Variants in FSIP2 observed in about 807,000 individuals in gnomAD.
FSIP2 encodes the protein fibrous sheath interacting protein 2.
FSIP2 carries 367 observed loss-of-function variants against 510.5 expected under a neutral mutation model. The observed-to-expected ratio is 0.72, with a 90% confidence interval of 0.66 to 0.78. FSIP2 has a LOEUF of 0.78. FSIP2 is among the 30% of genes least tolerant of loss of function. The probability of loss-of-function intolerance (pLI) is 0.00; values close to 1 mark genes in which losing one functional copy is unlikely to be tolerated. For synonymous variants in FSIP2, 2,601 were observed against 2,732.2 expected (o/e 0.95, Z 1.50); for missense variants, 7,594 against 7,901.7 (o/e 0.96, Z 1.48).
rs1693384282 is a variant in FSIP2, at chr2:185,799,861, A to C, written c.10555A>C (p.Lys3519Gln). 1.3e-6 allele frequency: 2 copies of C among 1,532,620 alleles called. No homozygotes were observed. The highest frequency in any genetic ancestry group is 1.7e-6 in the Non-Finnish European group (2 of 1,144,608). The allele number at this position is 1,532,620 out of a possible 1,614,324, so 94.9% of individuals were successfully genotyped here. A position where few individuals can be genotyped will look rare whatever the true frequency, so the allele number is the denominator to read the frequency against. Residue 3519 changes from lysine (K) to glutamine (Q), a missense_variant, in exon 17 of 23, where the codon AAA becomes CAA. Lys to Gln is a moderately conservative substitution (Grantham distance 53). Coordinates refer to ENST00000424728, the MANE Select transcript of FSIP2 (RefSeq NM_173651.4). ...AACTTCGAGCATTTCTGATGGCACC[A>C]AAAAGGGTAGAGAAAAAGAGAAAGC... ...HLTSSISDGT[K>Q]KGREKEKAWE... is the part of the protein sequence containing the mutation.
At chr2:185,830,415 A>G (rs1694085799) in intron 21 of FSIP2, among the ~76,000 whole-genome samples, 1 of 151,912 alleles carries the variant, frequency 6.6e-6, no homozygotes, top group Non-Finnish European at 1.5e-5. Context: ...ATGTTTTCAC[A>G]TAACTTAAGT....
At position 185,794,196 on chromosome 2, in the gene FSIP2, G is replaced by A. The variant is rs1405286538; in HGVS notation, c.7060G>A (p.Val2354Ile). Residue 2354 changes from valine (V) to isoleucine (I), a missense_variant, in exon 16 of 23, where the codon GTC (valine) becomes ATC (isoleucine). Transcript: ENST00000424728. Reference protein sequence around the residue: ...SQARLKTYADVIASAILKLIK... With the variant: ...SQARLKTYADIIASAILKLIK... ...AGCTAGGCTTAAGACATATGCTGAC[G>A]TCATTGCCAGTGCCATTTTGAAGCT... The A allele has an allele frequency of 1.8e-5, 28 of 1,534,706 alleles. No individual in the cohort carries two copies. The East Asian group carries it at 3.7e-4, about 20-fold the overall frequency.
chr2:185,757,969 C>CCCAGATTA (rs1161359692), intron 9 of FSIP2, among the ~76,000 whole-genome samples: 3 of 151,048 alleles, frequency 2.0e-5, no homozygotes, highest in Non-Finnish European at 4.4e-5. Context: ...AACTAATAAT[C>CCCAGATTA]CCAGATTACC....
intron 2 of FSIP2, 27 bp from the exon 3 acceptor site, chr2:185,743,106 T>C (rs1336826286): frequency 7.3e-7 from 1 of 1,375,352 alleles, no homozygotes. Context: ...GCATTAATTT[T>C]ACATATTTTT....
chr2:185,737,777 A>C (rs1691814339), upstream of FSIP2, among the ~76,000 whole-genome samples: 1 of 152,104 alleles, frequency 6.6e-6, no homozygotes, highest in Non-Finnish European at 1.5e-5. Context: ...CTGGCAATAG[A>C]CTATATCCCA....
At chr2:185,822,278 T>C (rs1365018356) in intron 19 of FSIP2, among the ~76,000 whole-genome samples, 1 of 151,932 alleles carries the variant, frequency 6.6e-6, no homozygotes, top group Non-Finnish European at 1.5e-5. Flanking sequence ...GTAGAAAAAT[T>C]GTTGTTTATA....
At chr2:185,756,491 CATT>C (rs1692249096) in intron 9 of FSIP2, among the ~76,000 whole-genome samples, 1 of 151,330 alleles carries the variant, frequency 6.6e-6, no homozygotes, top group Admixed American at 6.6e-5. Context: ...TTGAACCTGA[CATT>C]ATATTATTAT....
rs1246628637 is a variant in FSIP2, at chr2:185,790,759, A to C, written c.3623A>C (p.Glu1208Ala). ...HQISLHNSDTEHIVKEAPNKY... is the reference protein window; with the variant it reads ...HQISLHNSDTAHIVKEAPNKY... ...ATTTCCTTACATAATTCTGACACTG[A>C]ACACATAGTCAAAGAAGCACCAAAT... The change falls in exon 16 of 23, where the codon GAA (glutamate) becomes GCA (alanine). Residue 1208 changes from glutamate (E) to alanine (A), a missense_variant. By Grantham distance (107) the Glu-to-Ala change is moderately radical. Transcript: ENST00000424728. 1 of 1,532,344 alleles carries C rather than the reference A, an allele frequency of 6.5e-7. No homozygotes were observed. The highest frequency in any genetic ancestry group is 8.7e-7 in the Non-Finnish European group (1 of 1,144,380). The allele number at this position is 1,532,344 out of a possible 1,614,324, so 94.9% of individuals were successfully genotyped here.
In FSIP2 at chr2:185,808,319, G is replaced by A. The variant is rs762072560; in HGVS notation, c.19013G>A (p.Arg6338Lys). ...AAGTCTAAGGAAAAGTCTTCATCCA[G>A]AAAAGGTTTGACATTAGATGCCAAA... is the stretch of plus-strand genomic sequence containing the variant. ...ELKSKEKSSS[R>K]KGLTLDAKLL... Residue 6338 changes from arginine (R) to lysine (K), a missense_variant, in exon 17 of 23, where the codon AGA (arginine) becomes AAA (lysine). Coordinates refer to ENST00000424728, the MANE Select transcript of FSIP2 (RefSeq NM_173651.4). 6 of 1,608,642 alleles carry A rather than the reference G, an allele frequency of 3.7e-6. No homozygotes were observed. Among genetic ancestry groups the A allele is most frequent in the Non-Finnish European group, 5.1e-6 (6 of 1,178,282 alleles).
At chr2:185,784,651 A>G (rs1047051890) in intron 14 of FSIP2, among the ~76,000 whole-genome samples, 17 of 152,108 alleles carry the variant, frequency 1.1e-4, no homozygotes, top group African/African-American at 3.1e-4. Flanking sequence ...CTATGTTGCT[A>G]TGATTTCAGG....
At position 185,831,953 on chromosome 2, in the gene FSIP2, T is replaced by G; in HGVS notation, c.20587+71T>G. On this transcript the variant is annotated intron_variant, in intron 22 of 22. Transcript: ENST00000424728. ...TTGCATCATTTTGAATTTAGAATTTTTTATTACTTTCCTGGAAATGAGTGG... is the reference window on the plus strand; with the variant it reads ...TTGCATCATTTTGAATTTAGAATTTGTTATTACTTTCCTGGAAATGAGTGG... 3 of 905,522 alleles carry G rather than the reference T, an allele frequency of 3.3e-6. 1 individual carries two copies. The Middle Eastern group carries it at 6.9e-4, about 208-fold the overall frequency. 56.1% of individuals were successfully genotyped at this position (905,522 alleles called of 1,614,324 possible). A position where few individuals can be genotyped will look rare whatever the true frequency, so the allele number is the denominator to read the frequency against.
Position 185,830,674 on chromosome 2 carries a change from C to T in FSIP2, c.20518-1139C>T, listed in dbSNP as rs566839914. 3.5e-4 allele frequency among the ~76,000 whole-genome samples: 53 copies of T among 151,798 alleles called. No homozygotes were observed. The South Asian group carries it at 0.01, about 29-fold the overall frequency. ...CAAGAACAATAAGTCTATACATGTT[C>T]GGTATACATGCAACCATCCATTATT... On this transcript the variant is annotated intron_variant, in intron 21 of 22. Transcript: ENST00000424728.
At chr2:185,782,331 A>G (rs1692870471) in intron 13 of FSIP2, among the ~76,000 whole-genome samples, 1 of 152,238 alleles carries the variant, frequency 6.6e-6, no homozygotes, top group Non-Finnish European at 1.5e-5. Flanking sequence ...AAGAGTTAAC[A>G]TAAGCTGAAC....
At position 185,805,226 on chromosome 2, in the gene FSIP2, ATAT is replaced by A. The variant is rs1442798870; in HGVS notation, c.15924_15926del (p.Ile5308del). The A allele has an allele frequency of 2.5e-6, 4 of 1,600,634 alleles. No individual in the cohort carries two copies. Among genetic ancestry groups the A allele is most frequent in the Non-Finnish European group, 2.6e-6 (3 of 1,175,026 alleles). ...AAGAAAAATGAAATGGCAGAGCTAGATATTATGGGCTTGGCTCTAAAACTTGCA... is the reference window on the plus strand; with the variant it reads ...AAGAAAAATGAAATGGCAGAGCTAGATATGGGCTTGGCTCTAAAACTTGCA... On this transcript the variant is annotated inframe_deletion, in exon 17 of 23. Coordinates refer to ENST00000424728, the MANE Select transcript of FSIP2 (RefSeq NM_173651.4).
At chr2:185,738,774 G>C (rs773234389), upstream of FSIP2, 14 of 1,535,912 alleles carry the variant, frequency 9.1e-6, no homozygotes, top group Admixed American at 2.0e-5. Flanking sequence ...GGAACGCGGG[G>C]GGCGGGGCTG....
chr2:185,820,338 AG>A (rs1458107994), intron 19 of FSIP2, among the ~76,000 whole-genome samples: 1 of 151,848 alleles, frequency 6.6e-6, no homozygotes, highest in Admixed American at 6.6e-5. Context: ...AGGTCTCCCT[AG>A]GTATACAGAA....
At chr2:185,754,814 T>C (rs1227515177) in intron 8 of FSIP2, among the ~76,000 whole-genome samples, 1 of 151,532 alleles carries the variant, frequency 6.6e-6, no homozygotes, top group Non-Finnish European at 1.5e-5. Flanking sequence ...TTCATCATTT[T>C]CTAGCGATGT....
chr2:185,772,759 A>C (rs7584319), intron 13 of FSIP2, among the ~76,000 whole-genome samples: 30 of 151,736 alleles, frequency 2.0e-4, no homozygotes, highest in African/African-American at 6.3e-4. Context: ...TGTTTTCATA[A>C]TGGTGAATAT....
intron 2 of FSIP2, among the ~76,000 whole-genome samples, chr2:185,741,824 C>T (rs1442084366): frequency 6.6e-6 from 1 of 152,220 alleles, no homozygotes; most frequent in Admixed American, 6.5e-5. Flanking sequence ...TTCCTCTCAT[C>T]TACCTTTTAC....
Sources: gnomAD v4.1 joint callset for allele counts (sites outside exome capture counted in the v4.1 genomes callset) on GRCh38, gnomAD v4.1.1 for gene constraint, MANE v1.5 for transcripts, NCBI Gene and HGNC (gene_info 2026-07-23, HGNC 2026-07-21) for gene names.